PTN: variants seen among roughly 807,000 people sequenced by gnomAD.
The protein encoded by PTN is heparin affin regulatory protein.
PTN carries 18 observed loss-of-function variants against 24.1 expected under a neutral mutation model. That is an observed-to-expected ratio of 0.75 (90% CI 0.52 to 1.11). The LOEUF (loss-of-function observed/expected upper bound fraction) is 1.11. Ranked by LOEUF, PTN falls within the 50% of genes least tolerant of loss-of-function variation. PTN has a pLI of 0.00. For synonymous variants in PTN, 78 were observed against 68.6 expected, an observed-to-expected ratio of 1.14 and a Z score of -0.67; for missense variants, 163 against 198.8, an observed-to-expected ratio of 0.82 and a Z score of 1.08.
chr7:137,267,249 T>C (rs1809168704), intron 1 of PTN, among the ~76,000 whole-genome samples: 1 of 152,140 alleles, frequency 6.6e-6, no homozygotes, highest in Non-Finnish European at 1.5e-5. Context: ...TCTCTCTCTC[T>C]TTTCTTGACT....
At position 137,323,404 on chromosome 7, in the gene PTN, G is replaced by A. The variant is rs146977968; in HGVS notation, c.-2+20035C>T. 2.9e-3 allele frequency among the ~76,000 whole-genome samples: 446 copies of A among 152,132 alleles called. 12 individuals are homozygous for A. Among genetic ancestry groups the A allele is most frequent in the Admixed American group, 0.025 (389 of 15,268 alleles). ...TATATTAATAAATTATGTTGTTGGG[G>A]GACTGGTGTGAATTAATTTTACTAT... On this transcript the variant is annotated intron_variant, in intron 1 of 4. Coordinates refer to ENST00000348225, the MANE Select transcript of PTN (RefSeq NM_002825.7).
At chr7:137,236,295 T>C in intron 4 of PTN, 1 of 682,716 alleles carries the variant, frequency 1.5e-6, no homozygotes, top group Non-Finnish European at 2.7e-6. Context: ...AAAGGGCCCA[T>C]TCAGGATGCA....
chr7:137,278,664 G>C (rs1809411779), intron 1 of PTN, among the ~76,000 whole-genome samples: 1 of 152,040 alleles, frequency 6.6e-6, no homozygotes, highest in Non-Finnish European at 1.5e-5. Flanking sequence ...AACTTGGCCG[G>C]GCAGGGTGGC....
intron 4 of PTN, among the ~76,000 whole-genome samples, chr7:137,249,441 A>T (rs901184449): frequency 2.6e-5 from 4 of 152,132 alleles, no homozygotes; most frequent in Non-Finnish European, 4.4e-5. Context: ...TGATTGGGTT[A>T]GTCTGTGCTA....
chr7:137,286,566 G>A (rs1809557229), intron 1 of PTN, among the ~76,000 whole-genome samples: 1 of 152,154 alleles, frequency 6.6e-6, no homozygotes, highest in Admixed American at 6.5e-5. Context: ...TAAAACAGGA[G>A]AAAAGTGAGC....
chr7:137,301,876 G>A (rs1326321338), intron 1 of PTN, among the ~76,000 whole-genome samples: 6 of 151,904 alleles, frequency 3.9e-5, no homozygotes, highest in African/African-American at 1.4e-4. Flanking sequence ...AGAGGTAACC[G>A]CGAACCTCTT....
chr7:137,253,219 G>A (rs12111796), intron 3 of PTN, among the ~76,000 whole-genome samples: 2 of 151,952 alleles, frequency 1.3e-5, no homozygotes, highest in South Asian at 2.1e-4. Context: ...CATCTGGAGC[G>A]GGTGAGGAAT....
intron 4 of PTN, among the ~76,000 whole-genome samples, chr7:137,233,174 C>A (rs1232589382): frequency 6.6e-6 from 1 of 151,818 alleles, no homozygotes; most frequent in East Asian, 1.9e-4. Flanking sequence ...TAAGTGACAC[C>A]ATGGCCTTTA....
intron 1 of PTN, among the ~76,000 whole-genome samples, chr7:137,264,488 T>C (rs1809102336): frequency 6.6e-6 from 1 of 152,178 alleles, no homozygotes; most frequent in South Asian, 2.1e-4. Flanking sequence ...GCAGCGCTTG[T>C]CGTCTTCTTC....
At chr7:137,255,028 A>T (rs1808896877) in intron 1 of PTN, 54 bp from the exon 2 acceptor site, 1 of 1,291,008 alleles carries the variant, frequency 7.7e-7, no homozygotes, top group Admixed American at 2.0e-5. Context: ...GTCAGAAAGG[A>T]AGATTCATTG....
At chr7:137,230,671 G>A (rs1808412072) in intron 4 of PTN, among the ~76,000 whole-genome samples, 1 of 151,716 alleles carries the variant, frequency 6.6e-6, no homozygotes, top group Non-Finnish European at 1.5e-5. Flanking sequence ...AAGACTAAAT[G>A]AGCTTTGTCA....
intron 1 of PTN, among the ~76,000 whole-genome samples, chr7:137,273,930 G>A (rs1225668991): frequency 2.0e-5 from 3 of 151,964 alleles, no homozygotes; most frequent in African/African-American, 7.3e-5. Context: ...TCAGTTTTGT[G>A]GGTGTTTTAG....
chr7:137,249,088 C>T (rs999811800), intron 4 of PTN, among the ~76,000 whole-genome samples: 2 of 152,006 alleles, frequency 1.3e-5, no homozygotes, highest in African/African-American at 4.8e-5. Flanking sequence ...TCACTTATTT[C>T]CTAAATATCG....
intron 1 of PTN, among the ~76,000 whole-genome samples, chr7:137,316,267 AC>A (rs1301677223): frequency 6.6e-6 from 1 of 152,142 alleles, no homozygotes; most frequent in Non-Finnish European, 1.5e-5. Context: ...AATTCTGAGG[AC>A]CCTGAACTCA....
intron 1 of PTN, among the ~76,000 whole-genome samples, chr7:137,317,572 C>G (rs1254913832): frequency 6.6e-6 from 1 of 152,116 alleles, no homozygotes; most frequent in South Asian, 2.1e-4. Flanking sequence ...TCCTTTTCAT[C>G]CCAGAAACTG....
rs188263920 is a variant in PTN, at chr7:137,316,043, G to A, written c.-2+27396C>T. Among the ~76,000 whole-genome samples, 513 of 152,222 alleles carry A rather than the reference G, an allele frequency of 3.4e-3. 5 individuals carry two copies. The highest frequency in any genetic ancestry group is 0.012 in the African/African-American group (491 of 41,534). On this transcript the variant is annotated intron_variant, in intron 1 of 4. Transcript: ENST00000348225. ...GCTCTGATCATTTCTTGTGCTAACTGGGTGATCTCCTCTTGCCTGCTGCAT... is the reference window on the plus strand; with the variant it reads ...GCTCTGATCATTTCTTGTGCTAACTAGGTGATCTCCTCTTGCCTGCTGCAT...
chr7:137,261,413 A>T (rs1217807542), intron 1 of PTN, among the ~76,000 whole-genome samples: 1 of 152,192 alleles, frequency 6.6e-6, no homozygotes, highest in Non-Finnish European at 1.5e-5. Flanking sequence ...ATAAATATTA[A>T]ACCCACCAAT....
At chr7:137,282,029 CA>C (rs2128876156) in intron 1 of PTN, among the ~76,000 whole-genome samples, 1 of 152,304 alleles carries the variant, frequency 6.6e-6, no homozygotes, top group African/African-American at 2.4e-5. Context: ...CTCTCAATCA[CA>C]AAATTAAACA....
chr7:137,330,666 G>A (rs948212656), intron 1 of PTN, among the ~76,000 whole-genome samples: 2 of 152,176 alleles, frequency 1.3e-5, no homozygotes, highest in Non-Finnish European at 2.9e-5. Flanking sequence ...TCCAGGTTCT[G>A]CACCCAAGAT....
Sources: gnomAD v4.1 joint callset for allele counts (sites outside exome capture counted in the v4.1 genomes callset) on GRCh38, gnomAD v4.1.1 for gene constraint, MANE v1.5 for transcripts, NCBI Gene and HGNC (gene_info 2026-07-23, HGNC 2026-07-21) for gene names.